The following DAAM1 variants were observed in gnomAD, a reference collection of about 807,000 sequenced individuals.
DAAM1 encodes dishevelled associated activator of morphogenesis 1, also known as disheveled-associated activator of morphogenesis 1.
In DAAM1, 52 loss-of-function variants were observed where a neutral mutation model predicts 130.0. That is an observed-to-expected ratio of 0.40 (90% confidence interval 0.32 to 0.50). The LOEUF (loss-of-function observed/expected upper bound fraction) is 0.50. Among genes scored for constraint, DAAM1 ranks in the 20% least tolerant of loss-of-function variants. The pLI is 0.61. For synonymous variants in DAAM1, 452 were observed against 444.5 expected (o/e 1.02, Z -0.21); for missense variants, 1,134 against 1,303.8 (o/e 0.87, Z 2.01).
chr14:59,245,802 T>C (rs1881343595), intron 1 of DAAM1, among the ~76,000 whole-genome samples: 1 of 152,214 alleles, frequency 6.6e-6, no homozygotes, highest in Non-Finnish European at 1.5e-5. Context: ...ATTAGTGTTG[T>C]ACAGTTGAAC....
At chr14:59,363,868 TAGC>T in intron 23 of DAAM1, 86 bp downstream of exon 23, 3 of 1,558,914 alleles carry the variant, frequency 1.9e-6, no homozygotes, top group East Asian at 2.3e-5. Flanking sequence ...GTACGGGAAA[TAGC>T]AGGAGTGAGA....
chr14:59,330,543 A>T lies in DAAM1; in HGVS notation c.1415A>T (p.Glu472Val), dbSNP rs768605344. The T allele has an allele frequency of 6.2e-7, 1 of 1,613,018 alleles. No homozygotes were observed. The highest frequency in any genetic ancestry group is 8.5e-7 in the Non-Finnish European group (1 of 1,179,668). Residue 472 changes from glutamate to valine, a missense_variant, in exon 13 of 25, where the codon GAA (glutamate) becomes GTA (valine). Glu to Val is a moderately radical substitution (Grantham distance 121). Coordinates refer to ENST00000360909, the MANE Select transcript of DAAM1 (RefSeq NM_001270520.2). ...LQQKLEKKER[E>V]CDAKTQEKEE... ...CAGAAACTGGAAAAGAAAGAACGAGAATGTGATGCTAAGACTCAAGAGAAG... is the reference window on the plus strand; with the variant it reads ...CAGAAACTGGAAAAGAAAGAACGAGTATGTGATGCTAAGACTCAAGAGAAG...
At chr14:59,289,767 G>GATATACATATATATATATATAT (rs1555360750) in intron 2 of DAAM1, among the ~76,000 whole-genome samples, 1 of 110,218 alleles carries the variant, frequency 9.1e-6, no homozygotes, top group Non-Finnish European at 1.9e-5. Flanking sequence ...AACAAAATGT[G>GATATACATATATATATATATAT]ATATATATAT....
chr14:59,346,126 A>G (rs1886069486), intron 16 of DAAM1, among the ~76,000 whole-genome samples: 1 of 103,492 alleles, frequency 9.7e-6, no homozygotes, highest in South Asian at 5.0e-4. Flanking sequence ...TACAAACACA[A>G]TCCCTTTTTT....
intron 1 of DAAM1, among the ~76,000 whole-genome samples, chr14:59,207,934 A>G (rs1888312753): frequency 6.6e-6 from 1 of 152,226 alleles, no homozygotes; most frequent in Non-Finnish European, 1.5e-5. Flanking sequence ...TTCTGAAACT[A>G]TTAAGTCAGA....
chr14:59,285,453 A>G (rs765255412), intron 2 of DAAM1, among the ~76,000 whole-genome samples: 20 of 152,196 alleles, frequency 1.3e-4, no homozygotes, highest in Non-Finnish European at 2.6e-4. Context: ...TCTGAATGTA[A>G]ACAGGCTAAA....
At chr14:59,203,620 T>C (rs1280669398) in intron 1 of DAAM1, among the ~76,000 whole-genome samples, 7 of 152,310 alleles carry the variant, frequency 4.6e-5, no homozygotes, top group Non-Finnish European at 7.3e-5. Context: ...ACTTGAGATA[T>C]GAGAATCTTT....
At chr14:59,198,530 C>G (rs1245834529) in intron 1 of DAAM1, among the ~76,000 whole-genome samples, 1 of 152,068 alleles carries the variant, frequency 6.6e-6, no homozygotes. Flanking sequence ...TGCCTGGCCC[C>G]ATTTGCTGAT....
intron 6 of DAAM1, 143 bp downstream of exon 6, chr14:59,323,368 C>A: frequency 1.1e-6 from 1 of 908,396 alleles, no homozygotes; most frequent in Non-Finnish European, 1.6e-6. Context: ...ACATTCCCTT[C>A]TTCTTAGGTT....
chr14:59,294,398 C>T (rs1256843338), intron 3 of DAAM1, among the ~76,000 whole-genome samples: 1 of 152,194 alleles, frequency 6.6e-6, no homozygotes, highest in Non-Finnish European at 1.5e-5. Context: ...AAATATTTCT[C>T]AGACTAAAAC....
chr14:59,257,744 C>A (rs1881971577), intron 1 of DAAM1, among the ~76,000 whole-genome samples: 2 of 152,208 alleles, frequency 1.3e-5, no homozygotes, highest in African/African-American at 4.8e-5. Flanking sequence ...CTTCCTAGCA[C>A]CCCCACGACT....
intron 1 of DAAM1, among the ~76,000 whole-genome samples, chr14:59,249,414 G>A (rs968644378): frequency 1.3e-5 from 2 of 152,204 alleles, no homozygotes; most frequent in Admixed American, 6.5e-5. Context: ...CACTGGGACA[G>A]ATACCACGAA....
intron 22 of DAAM1, 97 bp from the exon 23 acceptor site, chr14:59,363,554 G>C (rs2139687938): frequency 6.5e-7 from 1 of 1,532,128 alleles, no homozygotes; most frequent in African/African-American, 1.4e-5. Flanking sequence ...TTGCCATTCT[G>C]ATTTATTAAA....
At chr14:59,202,942 G>T (rs1888151898) in intron 1 of DAAM1, among the ~76,000 whole-genome samples, 1 of 151,650 alleles carries the variant, frequency 6.6e-6, no homozygotes, top group East Asian at 1.9e-4. Context: ...AAATGTATTA[G>T]CATAGCGTAG....
intron 1 of DAAM1, among the ~76,000 whole-genome samples, chr14:59,236,534 A>C (rs1010079172): frequency 2.0e-5 from 3 of 152,034 alleles, no homozygotes; most frequent in Non-Finnish European, 4.4e-5. Context: ...GTCGTCGTTT[A>C]AATATTATTT....
intron 1 of DAAM1, among the ~76,000 whole-genome samples, chr14:59,250,280 G>C (rs1594779980): frequency 1.3e-5 from 2 of 152,164 alleles, no homozygotes; most frequent in East Asian, 3.9e-4. Flanking sequence ...CCTGTAGCTG[G>C]TCCCTGCAAC....
intron 5 of DAAM1, among the ~76,000 whole-genome samples, chr14:59,321,978 AAATATT>A (rs1196661422): frequency 6.6e-6 from 1 of 152,228 alleles, no homozygotes; most frequent in Non-Finnish European, 1.5e-5. Context: ...TAAGTGTAAG[AAATATT>A]AATAACGTTA....
chr14:59,245,093 GA>G (rs1210531887), intron 1 of DAAM1, among the ~76,000 whole-genome samples: 5 of 152,166 alleles, frequency 3.3e-5, no homozygotes, highest in African/African-American at 1.2e-4. Context: ...TAGAAATCAT[GA>G]AATGAATGTA....
At chr14:59,335,948 GAT>G (rs1885611398) in intron 15 of DAAM1, among the ~76,000 whole-genome samples, 1 of 151,102 alleles carries the variant, frequency 6.6e-6, no homozygotes, top group Non-Finnish European at 1.5e-5. Flanking sequence ...TATGATTTAA[GAT>G]ATTTATTTCA....
Sources: gnomAD v4.1 joint callset for allele counts (sites outside exome capture counted in the v4.1 genomes callset) on GRCh38, gnomAD v4.1.1 for gene constraint, MANE v1.5 for transcripts, NCBI Gene and HGNC (gene_info 2026-07-23, HGNC 2026-07-21) for gene names.